The following NELL1 variants were observed in gnomAD, a reference collection of about 807,000 sequenced individuals.
NELL1 encodes protein kinase C-binding protein NELL1.
NELL1 carries 76 observed loss-of-function variants against 107.4 expected under a neutral mutation model. The observed-to-expected ratio is 0.71, with a 90% CI of 0.59 to 0.86. NELL1 has a LOEUF of 0.86. NELL1 is among the 40% of genes least tolerant of loss of function. NELL1 has a pLI of 0.00. For missense variants in NELL1, 1,024 were observed against 1,005.5 expected (o/e 1.02, Z -0.25); for synonymous variants, 353 against 341.2 (o/e 1.03, Z -0.38).
intron 12 of NELL1, among the ~76,000 whole-genome samples, chr11:21,002,301 C>CTACATTAATGTAGTTACT (rs1852240019): frequency 2.0e-5 from 3 of 152,180 alleles, no homozygotes; most frequent in Admixed American, 2.0e-4. Context: ...TAACAGTTAC[C>CTACATTAATGTAGTTACT]TACATTCCTT....
Position 21,282,352 on chromosome 11 carries a change from G to C in NELL1, c.1549+52898G>C, listed in dbSNP as rs186264330. Among the ~76,000 whole-genome samples, 23 of 151,960 alleles carry C rather than the reference G, an allele frequency of 1.5e-4. No homozygotes were observed. In the East Asian group the frequency reaches 4.5e-3, roughly 29 times the overall value. On this transcript the variant is annotated intron_variant, in intron 14 of 19. Coordinates refer to ENST00000357134, the MANE Select transcript of NELL1 (RefSeq NM_006157.5). ...ATACCACCACACCTGGCTAATTTTT[G>C]TGGTTTTAATAGAAACAGCGTTTAG...
chr11:21,495,368 A>G (rs1042288029), intron 15 of NELL1, among the ~76,000 whole-genome samples: 2 of 152,064 alleles, frequency 1.3e-5, no homozygotes, highest in South Asian at 2.1e-4. Flanking sequence ...ATAATATTCT[A>G]TTTTACAGGT....
At chr11:20,933,566 G>A (rs980379708) in intron 9 of NELL1, among the ~76,000 whole-genome samples, 1 of 152,130 alleles carries the variant, frequency 6.6e-6, no homozygotes, top group African/African-American at 2.4e-5. Flanking sequence ...AGGATCTTTG[G>A]GTGTTCAGTC....
intron 15 of NELL1, among the ~76,000 whole-genome samples, chr11:21,493,591 G>A (rs1234727026): frequency 1.3e-5 from 2 of 151,984 alleles, no homozygotes; most frequent in Non-Finnish European, 2.9e-5. Context: ...AGGATGTGAA[G>A]TGTCTATGGG....
chr11:21,063,016 A>G (rs977411150), intron 12 of NELL1, among the ~76,000 whole-genome samples: 3 of 151,602 alleles, frequency 2.0e-5, no homozygotes, highest in Non-Finnish European at 2.9e-5. Context: ...GTGTATGTGT[A>G]TATGTATTTT....
intron 2 of NELL1, among the ~76,000 whole-genome samples, chr11:20,715,548 C>T (rs538590363): frequency 6.6e-6 from 1 of 152,188 alleles, no homozygotes; most frequent in Non-Finnish European, 1.5e-5. Context: ...TGCATGTTTC[C>T]CCTACTTCAC....
intron 12 of NELL1, among the ~76,000 whole-genome samples, chr11:21,048,542 C>A (rs970665123): frequency 6.6e-6 from 1 of 152,104 alleles, no homozygotes; most frequent in Admixed American, 6.6e-5. Flanking sequence ...CTCCCTCTTA[C>A]AGGAGAGGAG....
At chr11:21,284,490 G>T in intron 14 of NELL1, 1 of 459,574 alleles carries the variant, frequency 2.2e-6, no homozygotes, top group Non-Finnish European at 4.4e-6. Flanking sequence ...TTCCTCCAGT[G>T]CTGTGGGGGA....
At chr11:21,274,555 G>A (rs1377591462) in intron 14 of NELL1, among the ~76,000 whole-genome samples, 1 of 152,154 alleles carries the variant, frequency 6.6e-6, no homozygotes, top group Non-Finnish European at 1.5e-5. Flanking sequence ...GGACCTAATA[G>A]ACATCTACAG....
At chr11:21,551,669 A>C (rs1856588936) in intron 16 of NELL1, among the ~76,000 whole-genome samples, 2 of 151,560 alleles carry the variant, frequency 1.3e-5, no homozygotes, top group Admixed American at 1.3e-4. Context: ...AGAAATAGGA[A>C]CACTTTTACA....
chr11:20,930,498 G>A (rs1850595901), intron 9 of NELL1, among the ~76,000 whole-genome samples: 2 of 151,966 alleles, frequency 1.3e-5, no homozygotes, highest in African/African-American at 2.4e-5. Context: ...TATCTAGATT[G>A]TTTCCCACTT....
intron 14 of NELL1, among the ~76,000 whole-genome samples, chr11:21,249,915 A>G (rs1027232105): frequency 6.6e-6 from 1 of 152,244 alleles, no homozygotes; most frequent in Non-Finnish European, 1.5e-5. Flanking sequence ...AAAAACTGCA[A>G]AAGTCTAAAA....
At position 21,367,334 on chromosome 11, in the gene NELL1, A is replaced by G. The variant is rs182071044; in HGVS notation, c.1550-3519A>G. ...TTTTGCCACACTTCAGAATCTGGGT[A>G]GCAGTTGAAGAAGTACCAACATATG... On this transcript the variant is annotated intron_variant, in intron 14 of 19. Coordinates refer to ENST00000357134, the MANE Select transcript of NELL1 (RefSeq NM_006157.5). 3.0e-3 allele frequency among the ~76,000 whole-genome samples: 451 copies of G among 151,830 alleles called. 3 individuals carry two copies. Among genetic ancestry groups the G allele is most frequent in the African/African-American group, 0.01 (428 of 41,428 alleles).
chr11:20,960,563 A>G lies in NELL1; in HGVS notation c.1300+3A>G. On this transcript the variant is annotated splice_donor_region_variant and intron_variant, in intron 12 of 19. Transcript: ENST00000357134. The stretch of plus-strand genomic sequence containing the variant: ...GGGAGACTCTGCCTACTGTGAAGGT[A>G]AGTAAGCTATTTAATGAAGTCACTT... The G allele has an allele frequency of 1.9e-6, 3 of 1,613,770 alleles. No homozygotes were observed. The highest frequency in any genetic ancestry group is 2.5e-6 in the Non-Finnish European group (3 of 1,179,748).
intron 12 of NELL1, among the ~76,000 whole-genome samples, chr11:21,053,940 T>A (rs115968259): frequency 0.023 from 3,455 of 152,212 alleles, 117 homozygotes; most frequent in African/African-American, 0.078. Context: ...ACAACAGCAA[T>A]AAAGAACTTA....
chr11:21,205,405 T>C (rs921538434), intron 13 of NELL1, among the ~76,000 whole-genome samples: 1 of 152,222 alleles, frequency 6.6e-6, no homozygotes, highest in East Asian at 1.9e-4. Flanking sequence ...CGGCTTTGTT[T>C]ACACCGTGAG....
At chr11:20,750,803 G>C (rs1856116212) in intron 2 of NELL1, among the ~76,000 whole-genome samples, 1 of 152,052 alleles carries the variant, frequency 6.6e-6, no homozygotes, top group South Asian at 2.1e-4. Flanking sequence ...GCTCAGGCTG[G>C]TCTTTAACTC....
intron 12 of NELL1, among the ~76,000 whole-genome samples, chr11:20,995,543 A>C (rs1031916104): frequency 1.3e-5 from 2 of 151,998 alleles, no homozygotes; most frequent in Non-Finnish European, 1.5e-5. Context: ...GCACCACTGC[A>C]CTCCAGCCTG....
At position 21,289,777 on chromosome 11, in the gene NELL1, G is replaced by C. The variant is rs1205735427; in HGVS notation, c.1549+60323G>C. Among the ~76,000 whole-genome samples the C allele has an allele frequency of 2.8e-4, 43 of 152,196 alleles. 1 individual carries two copies. On this transcript the variant is annotated intron_variant, in intron 14 of 19. Transcript: ENST00000357134. ...TCCACTGCCAGCACAGCAGTCTGAA[G>C]TCAACCTGGAATGCTTGAGCTTGGT...
Sources: gnomAD v4.1 joint callset for allele counts (sites outside exome capture counted in the v4.1 genomes callset) on GRCh38, gnomAD v4.1.1 for gene constraint, MANE v1.5 for transcripts, NCBI Gene and HGNC (gene_info 2026-07-23, HGNC 2026-07-21) for gene names.